Variants in CWC22 observed in about 807,000 individuals in gnomAD.
CWC22 encodes the protein CWC22 spliceosome associated protein, also known as pre-mRNA-splicing factor CWC22 homolog.
In CWC22, 53 loss-of-function variants were observed where a neutral mutation model predicts 117.2. That is an observed-to-expected ratio of 0.45 (90% confidence interval 0.36 to 0.57). The LOEUF (loss-of-function observed/expected upper bound fraction) is 0.57, where lower values mean the gene tolerates loss of function less well. Ranked by LOEUF, CWC22 falls within the 20% of genes least tolerant of loss-of-function variation. CWC22 has a pLI of 0.00. For synonymous variants in CWC22, 360 were observed against 355.6 expected (o/e 1.01, Z -0.14); for missense variants, 980 against 1,068.8 (o/e 0.92, Z 1.16).
At chr2:179,948,993 T>C (rs1046693839) in intron 19 of CWC22, among the ~76,000 whole-genome samples, 1 of 152,220 alleles carries the variant, frequency 6.6e-6, no homozygotes, top group African/African-American at 2.4e-5. Context: ...AAATTCTCTG[T>C]ACTGTTTTTG....
rs758224123 is a variant in CWC22, at chr2:179,973,701, T to C, written c.683A>G (p.Gln228Arg). Residue 228 changes from glutamine (Q) to arginine (R), a missense_variant, in exon 7 of 20, where the codon CAA becomes CGA. By Grantham distance (43) the Gln-to-Arg change is conservative. This residue lies in a region of CWC22 where 559 missense variants were observed against 602.3 expected (regional missense o/e 0.93). Coordinates refer to ENST00000410053, the MANE Select transcript of CWC22 (RefSeq NM_020943.3). ...CCTTTTGAGGATTAATTCTCCAATT[T>C]GTGGAAATTTTGAGTTGATAATTGC... Reference protein sequence around the residue: ...LVAIINSKFPQIGELILKRLI... With the variant: ...LVAIINSKFPRIGELILKRLI... 17 of 1,611,460 alleles carry C rather than the reference T, an allele frequency of 1.1e-5. No individual in the cohort carries two copies. The South Asian group carries it at 1.8e-4, about 17-fold the overall frequency.
chr2:180,004,761 G>A (rs1687930980), intron 1 of CWC22, among the ~76,000 whole-genome samples: 1 of 137,398 alleles, frequency 7.3e-6, no homozygotes, highest in Non-Finnish European at 1.5e-5. Context: ...AGCTAAGAAA[G>A]CTGGCTTAGA....
Position 179,959,117 on chromosome 2 carries a change from A to C in CWC22, c.1398-35T>G. ...TGATCACAATAGGTTAAAAGCTTGCAACATAGACTGTACACTCTTATACAC... is the reference window on the plus strand; with the variant it reads ...TGATCACAATAGGTTAAAAGCTTGCCACATAGACTGTACACTCTTATACAC... On this transcript the variant is annotated intron_variant, in intron 13 of 19. Transcript: ENST00000410053. The C allele has an allele frequency of 2.3e-6, 3 of 1,288,742 alleles. No homozygotes were observed. In the South Asian group the frequency reaches 3.8e-5, roughly 16 times the overall value. The allele number at this position is 1,288,742 out of a possible 1,614,324, so 79.8% of individuals were successfully genotyped here.
In CWC22 at chr2:180,004,873, G is replaced by A. The variant is rs192235547; in HGVS notation, c.-114+1994C>T. 5.9e-5 allele frequency among the ~76,000 whole-genome samples: 9 copies of A among 152,172 alleles called. No individual in the cohort carries two copies. The East Asian group carries it at 1.5e-3, about 26-fold the overall frequency. ...TGTGGTGGAATAATAATAAATACTG[G>A]CTGGCCATGCATCCAAGTACTTTGG... On this transcript the variant is annotated intron_variant, in intron 1 of 19. Coordinates refer to ENST00000410053, the MANE Select transcript of CWC22 (RefSeq NM_020943.3).
intron 19 of CWC22, among the ~76,000 whole-genome samples, chr2:179,948,435 A>C (rs1342233587): frequency 6.6e-6 from 1 of 152,122 alleles, no homozygotes; most frequent in African/African-American, 2.4e-5. Flanking sequence ...AAAATTAGTG[A>C]GTAAAAGCTG....
At chr2:179,962,753 T>C (rs1265454556) in intron 13 of CWC22, among the ~76,000 whole-genome samples, 2 of 152,114 alleles carry the variant, frequency 1.3e-5, no homozygotes, top group Non-Finnish European at 2.9e-5. Context: ...AAGCCCTTGA[T>C]TCACATTACG....
chr2:180,001,928 C>A lies in CWC22; in HGVS notation c.-114+4939G>T, dbSNP rs140440830. ...GTTTTGTTCATTGCTACATTCCCAA[C>A]ACTAGAGGCTCTCAATACATATTTG... On this transcript the variant is annotated intron_variant, in intron 1 of 19. Coordinates refer to ENST00000410053, the MANE Select transcript of CWC22 (RefSeq NM_020943.3). 1.3e-4 allele frequency among the ~76,000 whole-genome samples: 20 copies of A among 152,340 alleles called. No individual in the cohort carries two copies. The East Asian group carries it at 3.1e-3, about 24-fold the overall frequency.
intron 15 of CWC22, 119 bp from the exon 16 acceptor site, chr2:179,954,476 T>C: frequency 4.9e-6 from 3 of 618,324 alleles, no homozygotes; most frequent in Non-Finnish European, 8.1e-6. Context: ...TCAAAGAGCA[T>C]ATATCACTAA....
intron 4 of CWC22, among the ~76,000 whole-genome samples, chr2:179,982,542 GTGGTTACTTTAGT>G (rs1328503737): frequency 6.6e-6 from 1 of 152,168 alleles, no homozygotes; most frequent in African/African-American, 2.4e-5. Context: ...ATCTCCAATA[GTGGTTACTTTAGT>G]TGTAAGACTA....
At chr2:179,980,713 A>C (rs923780840) in intron 5 of CWC22, among the ~76,000 whole-genome samples, 1 of 152,182 alleles carries the variant, frequency 6.6e-6, no homozygotes, top group African/African-American at 2.4e-5. Context: ...TTTAGATTTA[A>C]CTTAAATAAG....
Position 179,944,903 on chromosome 2 carries a change from A to G in CWC22, c.*226T>C. The G allele has an allele frequency of 2.6e-6, 1 of 378,016 alleles. No homozygotes were observed. Among genetic ancestry groups the G allele is most frequent in the Non-Finnish European group, 4.7e-6 (1 of 214,656 alleles). The allele number at this position is 378,016 out of a possible 1,614,324, so 23.4% of individuals were successfully genotyped here. ...AGCTTTTGATCATTTTATTCACAAA[A>G]TATAAGCGAGACTTACATCCCTTTC... is the stretch of plus-strand genomic sequence containing the variant. On this transcript the variant is annotated 3_prime_UTR_variant, in exon 20 of 20. Transcript: ENST00000410053.
chr2:179,952,643 A>G, intron 16 of CWC22, 45 bp from the exon 17 acceptor site: 1 of 1,144,396 alleles, frequency 8.7e-7, no homozygotes, highest in Non-Finnish European at 1.2e-6. Flanking sequence ...TAATTTATAA[A>G]AGACAGGACA....
Position 179,981,906 on chromosome 2 carries a change from C to G in CWC22, c.298G>C (p.Glu100Gln). ...KSPSPGRRNP[E>Q]TSVTQSSSAQ... ...GAGGAACTCTGAGTTACTGATGTTT[C>G]TGGGTTTCTCCTCCCAGGAGATGGG... is the stretch of plus-strand genomic sequence containing the variant. Residue 100 changes from glutamate (E) to glutamine (Q), a missense_variant, in exon 5 of 20, where the codon GAA becomes CAA. Physicochemically the swap from Glu to Gln is conservative, Grantham distance 29 (BLOSUM62 2). This residue lies in a region of CWC22 where 559 missense variants were observed against 602.3 expected (regional missense o/e 0.93). Transcript: ENST00000410053. 8 of 1,599,962 alleles carry G rather than the reference C, an allele frequency of 5.0e-6. No individual in the cohort carries two copies. The highest frequency in any genetic ancestry group is 6.8e-6 in the Non-Finnish European group (8 of 1,172,414).
chr2:179,981,305 A>C (rs1687279303), intron 5 of CWC22, among the ~76,000 whole-genome samples: 2 of 152,194 alleles, frequency 1.3e-5, no homozygotes, highest in African/African-American at 4.8e-5. Flanking sequence ...ACAGAGACAA[A>C]ATGACTCACA....
Position 179,981,752 on chromosome 2 carries a change from C to T in CWC22, c.452G>A (p.Ser151Asn). Residue 151 changes from serine (S) to asparagine (N), a missense_variant and splice_region_variant, in exon 5 of 20, where the codon AGC (serine) becomes AAC (asparagine). Ser to Asn is a conservative substitution (Grantham distance 46). Transcript: ENST00000410053. ...MMQEQITDKN[S>N]LAYQRMSWEA... is the part of the protein sequence containing the mutation. ...TGTATACTGATTGATATAAACATGC[C>T]TGTTTTTATCTGTAATCTGTTCCTG... is the stretch of plus-strand genomic sequence containing the variant. 6.2e-7 allele frequency: 1 copy of T among 1,609,162 alleles called. No individual in the cohort carries two copies. The highest frequency in any genetic ancestry group is 8.5e-7 in the Non-Finnish European group (1 of 1,175,984).
chr2:179,980,318 G>T (rs1051752909), intron 5 of CWC22, among the ~76,000 whole-genome samples: 1 of 151,924 alleles, frequency 6.6e-6, no homozygotes, highest in Non-Finnish European at 1.5e-5. Flanking sequence ...AAACTTATTA[G>T]TTTTGAATTT....
intron 1 of CWC22, among the ~76,000 whole-genome samples, chr2:180,000,900 G>A (rs757784760): frequency 2.6e-5 from 4 of 152,050 alleles, no homozygotes; most frequent in Non-Finnish European, 4.4e-5. Context: ...TTGGGAGGTA[G>A]TATTACCCCC....
At chr2:179,979,551 C>T (rs1233740254) in intron 5 of CWC22, among the ~76,000 whole-genome samples, 2 of 152,058 alleles carry the variant, frequency 1.3e-5, no homozygotes, top group Non-Finnish European at 2.9e-5. Context: ...TGGAGTGGTA[C>T]AAGGAAGGTT....
In CWC22 at chr2:179,952,608, A is replaced by C. The variant is rs1263304804; in HGVS notation, c.1690-10T>G. On this transcript the variant is annotated splice_polypyrimidine_tract_variant and intron_variant, in intron 16 of 19. Coordinates refer to ENST00000410053, the MANE Select transcript of CWC22 (RefSeq NM_020943.3). ...TTATACATTCAAGAACCTGAAAATT[A>C]AAATAAAAAAAGACAAGTATATTTT... The C allele has an allele frequency of 7.3e-7, 1 of 1,364,866 alleles. No individual in the cohort carries two copies. The highest frequency in any genetic ancestry group is 9.8e-7 in the Non-Finnish European group (1 of 1,016,820). The allele number at this position is 1,364,866 out of a possible 1,614,324, so 84.5% of individuals were successfully genotyped here. A position where few individuals can be genotyped will look rare whatever the true frequency, so the allele number is the denominator to read the frequency against.
Sources: allele counts gnomAD v4.1 joint callset (sites outside exome capture counted in the v4.1 genomes callset), GRCh38; gene constraint gnomAD v4.1.1; regional missense constraint gnomAD v4.1.1; transcripts MANE v1.5; gene names NCBI Gene and HGNC (gene_info 2026-07-23, HGNC 2026-07-21).